The following PDCD6IP variants were observed in gnomAD, a reference collection of about 807,000 sequenced individuals.
The protein encoded by PDCD6IP is programmed cell death 6 interacting protein, also known as programmed cell death 6-interacting protein.
In PDCD6IP, 43 loss-of-function variants were observed where a neutral mutation model predicts 103.7. The ratio of observed to expected loss-of-function variants is 0.41; its 90% CI spans 0.32 to 0.53. The LOEUF is 0.53. Among genes scored for constraint, PDCD6IP ranks in the 20% least tolerant of loss-of-function variants. The pLI, the probability that PDCD6IP is intolerant of heterozygous loss-of-function variation, is 0.16. For synonymous variants in PDCD6IP, 354 were observed against 378.7 expected (o/e 0.93, Z 0.76); for missense variants, 871 against 1,036.7 (o/e 0.84, Z 2.20).
intron 15 of PDCD6IP, among the ~76,000 whole-genome samples, chr3:33,855,771 C>T (rs1400776843): frequency 6.6e-6 from 1 of 152,206 alleles, no homozygotes; most frequent in East Asian, 1.9e-4. Context: ...TTTAATAAAA[C>T]TTCATAGATG....
intron 6 of PDCD6IP, chr3:33,827,071 TAAA>T: frequency 1.0e-6 from 1 of 985,364 alleles, no homozygotes; most frequent in Non-Finnish European, 1.2e-6. Context: ...CCAACAGGGA[TAAA>T]AAATTGGGCT....
At chr3:33,848,362 G>A (rs1559792884) in intron 12 of PDCD6IP, among the ~76,000 whole-genome samples, 1 of 151,938 alleles carries the variant, frequency 6.6e-6, no homozygotes, top group Non-Finnish European at 1.5e-5. Context: ...AAAATGACAA[G>A]GTTATAAAAG....
chr3:33,853,536 T>G (rs1470557211), intron 13 of PDCD6IP, among the ~76,000 whole-genome samples: 3 of 152,186 alleles, frequency 2.0e-5, no homozygotes, highest in Non-Finnish European at 4.4e-5. Context: ...ATATGCAAAA[T>G]TAAACATATA....
chr3:33,860,035 A>T (rs1697918227), intron 15 of PDCD6IP, among the ~76,000 whole-genome samples: 1 of 152,202 alleles, frequency 6.6e-6, no homozygotes, highest in Non-Finnish European at 1.5e-5. Context: ...CAAGATAGTT[A>T]TGGTAAAAAG....
intron 15 of PDCD6IP, among the ~76,000 whole-genome samples, chr3:33,863,496 A>G (rs925822061): frequency 6.6e-6 from 1 of 152,160 alleles, no homozygotes; most frequent in Non-Finnish European, 1.5e-5. Context: ...GCTCACACAT[A>G]TGGAGGAGAA....
chr3:33,862,316 G>T (rs1474711744), intron 15 of PDCD6IP, among the ~76,000 whole-genome samples: 11 of 151,730 alleles, frequency 7.2e-5, no homozygotes, highest in African/African-American at 2.2e-4. Context: ...GAGAGGGAAG[G>T]TTGGATGCGG....
intron 15 of PDCD6IP, among the ~76,000 whole-genome samples, chr3:33,860,834 C>T (rs1455658216): frequency 6.6e-6 from 1 of 152,062 alleles, no homozygotes; most frequent in African/African-American, 2.4e-5. Context: ...ATAGTGCTGG[C>T]ATGAATGTTG....
In PDCD6IP at chr3:33,851,576, A is replaced by C. The variant is rs375459959; in HGVS notation, c.1642-912A>C. On this transcript the variant is annotated intron_variant, in intron 12 of 17. Coordinates refer to ENST00000307296, the MANE Select transcript of PDCD6IP (RefSeq NM_013374.6). The stretch of plus-strand genomic sequence containing the variant: ...AGCCTTGACCCACTGGGCTGAAGCA[A>C]TTCTCCTGCCTCAGCCTTTGGAGTA... Among the ~76,000 whole-genome samples the C allele has an allele frequency of 3.3e-5, 5 of 152,038 alleles. No homozygotes were observed. The South Asian group carries it at 1.0e-3, about 32-fold the overall frequency.
At position 33,814,902 on chromosome 3, in the gene PDCD6IP, A is replaced by G. The variant is rs191895537; in HGVS notation, c.334+1274A>G. Among the ~76,000 whole-genome samples, 302 of 146,404 alleles carry G rather than the reference A, an allele frequency of 2.1e-3. 3 individuals carry two copies. The highest frequency in any genetic ancestry group is 6.9e-3 in the African/African-American group (280 of 40,424). On this transcript the variant is annotated intron_variant, in intron 3 of 17. Coordinates refer to ENST00000307296, the MANE Select transcript of PDCD6IP (RefSeq NM_013374.6). ...TACATATATATTCATGTACACATAT[A>G]CATATATGTATATATTATATATAAG...
At chr3:33,818,097 GTTT>G (rs756780125) in intron 3 of PDCD6IP, among the ~76,000 whole-genome samples, 3 of 68,086 alleles carry the variant, frequency 4.4e-5, no homozygotes, top group African/African-American at 6.4e-5. Context: ...TTTCATTCTT[GTTT>G]TTTTTTTTTT....
intron 9 of PDCD6IP, among the ~76,000 whole-genome samples, chr3:33,838,754 A>G (rs182057641): frequency 8.0e-5 from 12 of 150,032 alleles, no homozygotes; most frequent in African/African-American, 2.4e-4. Flanking sequence ...TTATATGTAT[A>G]TGTGTGTGTG....
At chr3:33,865,456 A>G (rs1485769071) in intron 17 of PDCD6IP, 26 bp downstream of exon 17, 1 of 1,555,080 alleles carries the variant, frequency 6.4e-7, no homozygotes, top group African/African-American at 1.4e-5. Context: ...TGTGTATCCC[A>G]AGTTGGCTAA....
In PDCD6IP at chr3:33,868,970, C is replaced by T. The variant is rs968088556; in HGVS notation, c.*2445C>T. The T allele has an allele frequency of 1.3e-5, 2 of 152,288 alleles. No individual in the cohort carries two copies. Among genetic ancestry groups the T allele is most frequent in the South Asian group, 2.1e-4 (1 of 4,826 alleles). 9.4% of individuals were successfully genotyped at this position (152,288 alleles called of 1,614,324 possible). A position where few individuals can be genotyped will look rare whatever the true frequency, so the allele number is the denominator to read the frequency against. ...TAAGAAAAACAGTCACATGTCACGA[C>T]AAACCAATCAATCTTTATGAGATAT... On this transcript the variant is annotated 3_prime_UTR_variant, in exon 18 of 18. Transcript: ENST00000307296.
chr3:33,841,567 T>C (rs1039246671), intron 9 of PDCD6IP, among the ~76,000 whole-genome samples: 8 of 150,054 alleles, frequency 5.3e-5, no homozygotes, highest in Non-Finnish European at 8.9e-5. Flanking sequence ...GCCTCCTGAG[T>C]AGCTGGGACT....
At chr3:33,828,329 C>T (rs1377953900) in intron 6 of PDCD6IP, among the ~76,000 whole-genome samples, 1 of 152,006 alleles carries the variant, frequency 6.6e-6, no homozygotes, top group African/African-American at 2.4e-5. Flanking sequence ...AGTAAGAACT[C>T]TCTTAGGATA....
intron 1 of PDCD6IP, among the ~76,000 whole-genome samples, chr3:33,800,259 T>C (rs555946878): frequency 1.3e-5 from 2 of 152,194 alleles, no homozygotes; most frequent in Admixed American, 1.3e-4. Context: ...TGTTCATGTA[T>C]TGAGAGGGAT....
intron 12 of PDCD6IP, among the ~76,000 whole-genome samples, chr3:33,847,821 G>T (rs1697626543): frequency 6.6e-6 from 1 of 152,138 alleles, no homozygotes; most frequent in East Asian, 1.9e-4. Context: ...ATGTACTGTG[G>T]CCTGAAGTCC....
At chr3:33,861,208 G>A (rs1286385558) in intron 15 of PDCD6IP, among the ~76,000 whole-genome samples, 2 of 150,660 alleles carry the variant, frequency 1.3e-5, no homozygotes, top group African/African-American at 2.4e-5. Flanking sequence ...GCAGTGGCAC[G>A]ATCTCGGCTC....
At chr3:33,841,432 G>GTTT (rs1697468384) in intron 9 of PDCD6IP, among the ~76,000 whole-genome samples, 1 of 101,138 alleles carries the variant, frequency 9.9e-6, no homozygotes, top group African/African-American at 3.9e-5. Context: ...TCTTTGCTTT[G>GTTT]CTTTTTTTTT....
Sources: gnomAD v4.1 joint callset for allele counts (sites outside exome capture counted in the v4.1 genomes callset) on GRCh38, gnomAD v4.1.1 for gene constraint, MANE v1.5 for transcripts, NCBI Gene and HGNC (gene_info 2026-07-23, HGNC 2026-07-21) for gene names.